CACNG2: variants seen among roughly 807,000 people sequenced by gnomAD.
CACNG2 encodes calcium voltage-gated channel auxiliary subunit gamma 2, also known as voltage-dependent calcium channel gamma-2 subunit.
A neutral mutation model predicts 25.9 loss-of-function variants in CACNG2; 3 were observed. The ratio of observed to expected loss-of-function variants is 0.12; its 90% CI spans 0.05 to 0.30. The LOEUF (loss-of-function observed/expected upper bound fraction) is 0.30, where lower values mean the gene tolerates loss of function less well. Ranked by LOEUF, CACNG2 falls within the 10% of genes least tolerant of loss-of-function variation. The pLI is 1.00. For missense variants in CACNG2, 341 were observed against 432.5 expected (o/e 0.79, Z 1.88); for synonymous variants, 167 against 173.3 (o/e 0.96, Z 0.29).
At chr22:36,680,085 C>G (rs1000644452) in intron 1 of CACNG2, among the ~76,000 whole-genome samples, 1 of 141,750 alleles carries the variant, frequency 7.1e-6, no homozygotes. Flanking sequence ...CCACCATCAC[C>G]GCCACCTTCA....
chr22:36,565,779 T>C (rs932671360), intron 3 of CACNG2, among the ~76,000 whole-genome samples: 6 of 152,224 alleles, frequency 3.9e-5, no homozygotes, highest in African/African-American at 1.4e-4. Flanking sequence ...CGTGAGCCAC[T>C]GCACCCGGCC....
chr22:36,687,490 A>G (rs1015498209), intron 1 of CACNG2, among the ~76,000 whole-genome samples: 1 of 152,178 alleles, frequency 6.6e-6, no homozygotes, highest in African/African-American at 2.4e-5. Context: ...TTCCTGGTAC[A>G]AGCTCTAAAG....
chr22:36,664,944 G>A (rs958516856), intron 1 of CACNG2, among the ~76,000 whole-genome samples: 1 of 152,192 alleles, frequency 6.6e-6, no homozygotes, highest in African/African-American at 2.4e-5. Flanking sequence ...CTGGTGGATT[G>A]GGAGGGTAGG....
chr22:36,566,283 C>T, intron 3 of CACNG2, 70 bp downstream of exon 3: 1 of 1,457,300 alleles, frequency 6.9e-7, no homozygotes. Context: ...CTCTGCCAGG[C>T]CCTCGTGGCC....
At chr22:36,589,827 AC>A (rs1935559129) in intron 1 of CACNG2, among the ~76,000 whole-genome samples, 1 of 149,282 alleles carries the variant, frequency 6.7e-6, no homozygotes, top group Admixed American at 6.6e-5. Context: ...CCAACCATGC[AC>A]CCTTCTCTGT....
At chr22:36,686,590 A>G (rs1163053570) in intron 1 of CACNG2, among the ~76,000 whole-genome samples, 1 of 152,150 alleles carries the variant, frequency 6.6e-6, no homozygotes, top group African/African-American at 2.4e-5. Context: ...TGTGACCCGG[A>G]GGGAATATTG....
chr22:36,572,806 C>G (rs555616913), intron 2 of CACNG2, among the ~76,000 whole-genome samples: 1 of 152,124 alleles, frequency 6.6e-6, no homozygotes, highest in Admixed American at 6.5e-5. Context: ...ATACTCTATA[C>G]TGGGGAAAAG....
intron 1 of CACNG2, among the ~76,000 whole-genome samples, chr22:36,700,744 T>C (rs1047586319): frequency 6.6e-6 from 1 of 152,180 alleles, no homozygotes; most frequent in Non-Finnish European, 1.5e-5. Context: ...TTCTTGATAT[T>C]GATTTTCTGG....
intron 2 of CACNG2, among the ~76,000 whole-genome samples, chr22:36,575,295 G>A (rs1935294686): frequency 6.6e-6 from 1 of 152,144 alleles, no homozygotes; most frequent in African/African-American, 2.4e-5. Flanking sequence ...CTTGCCTTCT[G>A]GAACGGGTGG....
At position 36,621,532 on chromosome 22, in the gene CACNG2, C is replaced by G. The variant is rs1007957508; in HGVS notation, c.212-33984G>C. Among the ~76,000 whole-genome samples, 16 of 149,876 alleles carry G rather than the reference C, an allele frequency of 1.1e-4. No homozygotes were observed. In the East Asian group the frequency reaches 1.6e-3, roughly 15 times the overall value. Reference sequence around the variant, plus strand: ...TTGCACTGAGCTGAGATGGTGCCACCGTACTCCAGCCTGGGTGATGAAGTG... The same window carrying G: ...TTGCACTGAGCTGAGATGGTGCCACGGTACTCCAGCCTGGGTGATGAAGTG... On this transcript the variant is annotated intron_variant, in intron 1 of 3. Coordinates refer to ENST00000300105, the MANE Select transcript of CACNG2 (RefSeq NM_006078.5).
chr22:36,590,862 C>T (rs1210573760), intron 1 of CACNG2, among the ~76,000 whole-genome samples: 2 of 152,114 alleles, frequency 1.3e-5, no homozygotes, highest in Admixed American at 6.6e-5. Context: ...GCCTTCTTTC[C>T]TGCCATGCTC....
rs138376708 is a variant in CACNG2, at chr22:36,578,766, C to T, written c.295+8699G>A. The stretch of plus-strand genomic sequence containing the variant: ...GAAGAGGGTGAACATGCCAGCTGCC[C>T]TAGGGCGGGCGGTACCTTGTTTATT... On this transcript the variant is annotated intron_variant, in intron 2 of 3. Coordinates refer to ENST00000300105, the MANE Select transcript of CACNG2 (RefSeq NM_006078.5). Among the ~76,000 whole-genome samples the T allele has an allele frequency of 2.6e-5, 4 of 152,240 alleles. No individual in the cohort carries two copies. In the East Asian group the frequency reaches 7.7e-4, roughly 29 times the overall value.
intron 1 of CACNG2, among the ~76,000 whole-genome samples, chr22:36,650,026 C>A (rs1167312772): frequency 6.6e-6 from 1 of 152,218 alleles, no homozygotes; most frequent in African/African-American, 2.4e-5. Context: ...CTATCCCAGT[C>A]CACACCACCA....
intron 1 of CACNG2, among the ~76,000 whole-genome samples, chr22:36,663,669 A>T (rs1030445902): frequency 6.6e-6 from 1 of 152,146 alleles, no homozygotes; most frequent in African/African-American, 2.4e-5. Flanking sequence ...ACATCCAAAG[A>T]GTTTGCAGCG....
chr22:36,655,756 T>TCC (rs1936694583), intron 1 of CACNG2, among the ~76,000 whole-genome samples: 1 of 151,440 alleles, frequency 6.6e-6, no homozygotes, highest in African/African-American at 2.4e-5. Context: ...CTTCCTTTCT[T>TCC]TCTTTCTTTC....
At chr22:36,591,185 C>A (rs909456919) in intron 1 of CACNG2, among the ~76,000 whole-genome samples, 2 of 152,078 alleles carry the variant, frequency 1.3e-5, no homozygotes, top group South Asian at 2.1e-4. Flanking sequence ...TACAGGCGCC[C>A]GCCACTACGC....
intron 2 of CACNG2, among the ~76,000 whole-genome samples, chr22:36,576,721 G>A (rs1366206755): frequency 6.6e-6 from 1 of 152,116 alleles, no homozygotes; most frequent in Non-Finnish European, 1.5e-5. Flanking sequence ...TCCAGATGCA[G>A]CCCGCTTGGG....
At chr22:36,599,082 T>C (rs868624234) in intron 1 of CACNG2, among the ~76,000 whole-genome samples, 2 of 152,232 alleles carry the variant, frequency 1.3e-5, no homozygotes, top group Admixed American at 6.5e-5. Context: ...ATGCACACGA[T>C]GTATGAGAAT....
intron 1 of CACNG2, among the ~76,000 whole-genome samples, chr22:36,656,198 C>G (rs1936704150): frequency 6.6e-6 from 1 of 152,116 alleles, no homozygotes; most frequent in South Asian, 2.1e-4. Context: ...AATAAATAGA[C>G]TCACCTTATG....
Sources: allele counts gnomAD v4.1 joint callset (sites outside exome capture counted in the v4.1 genomes callset), GRCh38; gene constraint gnomAD v4.1.1; transcripts MANE v1.5; gene names NCBI Gene and HGNC (gene_info 2026-07-23, HGNC 2026-07-21).